The following TMEM163 variants were observed in gnomAD, a reference collection of about 807,000 sequenced individuals.
TMEM163 encodes transmembrane protein 163.
TMEM163 carries 17 observed loss-of-function variants against 29.3 expected under a neutral mutation model. That is an observed-to-expected ratio of 0.58 (90% CI 0.40 to 0.87). The LOEUF is 0.87. Ranked by LOEUF, TMEM163 falls within the 40% of genes least tolerant of loss-of-function variation. TMEM163 has a pLI of 0.00. For missense variants in TMEM163, 303 were observed against 381.5 expected, an observed-to-expected ratio of 0.79 and a Z score of 1.71; for synonymous variants, 157 against 160.6, an observed-to-expected ratio of 0.98 and a Z score of 0.17.
At chr2:134,491,979 G>A (rs972391528) in intron 5 of TMEM163, among the ~76,000 whole-genome samples, 3 of 152,158 alleles carry the variant, frequency 2.0e-5, no homozygotes, top group South Asian at 2.1e-4. Flanking sequence ...AGAGGTTTAC[G>A]TGGTTAGCAC....
chr2:134,658,736 T>C (rs1574317421), intron 2 of TMEM163, among the ~76,000 whole-genome samples: 1 of 152,062 alleles, frequency 6.6e-6, no homozygotes, highest in Non-Finnish European at 1.5e-5. Context: ...TAGCTGGGAC[T>C]ACAGGCGCCC....
At chr2:134,560,524 TGAA>T (rs2104776999) in intron 2 of TMEM163, among the ~76,000 whole-genome samples, 1 of 152,104 alleles carries the variant, frequency 6.6e-6, no homozygotes, top group South Asian at 2.1e-4. Flanking sequence ...CCTGAGCAAA[TGAA>T]GCCGCAGCTG....
At position 134,665,109 on chromosome 2, in the gene TMEM163, G is replaced by C. The variant is rs76063542; in HGVS notation, c.322+48091C>G. On this transcript the variant is annotated intron_variant, in intron 2 of 7. Coordinates refer to ENST00000281924, the MANE Select transcript of TMEM163 (RefSeq NM_030923.5). ...CAGCCACAGGAAAGACAAACAGCTTGTGATGCTTATATTGTTGTTTGGGGG... is the reference window on the plus strand; with the variant it reads ...CAGCCACAGGAAAGACAAACAGCTTCTGATGCTTATATTGTTGTTTGGGGG... 3.3e-3 allele frequency among the ~76,000 whole-genome samples: 497 copies of C among 152,224 alleles called. 2 individuals carry two copies. Among genetic ancestry groups the C allele is most frequent in the Non-Finnish European group, 5.1e-3 (348 of 68,014 alleles).
At chr2:134,716,160 G>C (rs1235835221) in intron 1 of TMEM163, among the ~76,000 whole-genome samples, 1 of 152,204 alleles carries the variant, frequency 6.6e-6, no homozygotes, top group Admixed American at 6.5e-5. Context: ...TGGGCCCTAA[G>C]GTTACGGACA....
intron 2 of TMEM163, among the ~76,000 whole-genome samples, chr2:134,555,192 C>T (rs1315267176): frequency 1.3e-5 from 2 of 152,184 alleles, no homozygotes; most frequent in Non-Finnish European, 2.9e-5. Flanking sequence ...TGTCTCATAA[C>T]TCACCATGAC....
At chr2:134,475,871 C>T (rs1279071209) in intron 5 of TMEM163, among the ~76,000 whole-genome samples, 2 of 152,162 alleles carry the variant, frequency 1.3e-5, no homozygotes, top group African/African-American at 2.4e-5. Flanking sequence ...CTGGAACTCT[C>T]ATATGTTGCT....
At chr2:134,683,813 A>G (rs552333988) in intron 2 of TMEM163, among the ~76,000 whole-genome samples, 4 of 152,238 alleles carry the variant, frequency 2.6e-5, no homozygotes, top group African/African-American at 7.2e-5. Flanking sequence ...AGAGTGACTC[A>G]TTTCTGCAAT....
At chr2:134,525,538 T>A (rs1680275850) in intron 4 of TMEM163, among the ~76,000 whole-genome samples, 1 of 152,204 alleles carries the variant, frequency 6.6e-6, no homozygotes, top group African/African-American at 2.4e-5. Flanking sequence ...ACTTGCCCCC[T>A]TTGTTGTGAC....
intron 2 of TMEM163, among the ~76,000 whole-genome samples, chr2:134,707,765 G>A (rs999188771): frequency 1.3e-4 from 20 of 152,070 alleles, no homozygotes; most frequent in African/African-American, 4.6e-4. Flanking sequence ...TTTGGGGAGG[G>A]GAGTTGTCAA....
rs751601796 is a variant in TMEM163 at position 134,718,963 on chromosome 2, G to GCGA, written c.-31_-29dup. 86 of 1,025,966 alleles carry GCGA rather than the reference G, an allele frequency of 8.4e-5. No homozygotes were observed. Among genetic ancestry groups the GCGA allele is most frequent in the East Asian group, 2.7e-4 (3 of 11,152 alleles). The allele number at this position is 1,025,966 out of a possible 1,614,324, so 63.6% of individuals were successfully genotyped here. A position where few individuals can be genotyped will look rare whatever the true frequency, so the allele number is the denominator to read the frequency against. ...CGCGGGGCTGCGGATCCCGGCGGCG[G>GCGA]CGACGACAAGCGCGGCGGGGACTCG... On this transcript the variant is annotated 5_prime_UTR_variant, in exon 1 of 8. Transcript: ENST00000281924.
intron 5 of TMEM163, among the ~76,000 whole-genome samples, chr2:134,470,717 C>T (rs1686780474): frequency 6.6e-6 from 1 of 152,234 alleles, no homozygotes; most frequent in African/African-American, 2.4e-5. Context: ...CAAAGCTCCT[C>T]TCCCAAAACC....
At position 134,718,811 on chromosome 2, in the gene TMEM163, T is replaced by C; in HGVS notation, c.125A>G (p.Glu42Gly). 1.8e-6 allele frequency: 2 copies of C among 1,139,458 alleles called. No homozygotes were observed. Among genetic ancestry groups the C allele is most frequent in the Non-Finnish European group, 2.2e-6 (2 of 929,160 alleles). The allele number at this position is 1,139,458 out of a possible 1,614,324, so 70.6% of individuals were successfully genotyped here. ...GPAPLSSPVR[E>G]PPQLEEERQV... Reference sequence around the variant, plus strand: ...CCGCTCCTCCTCCAGCTGGGGCGGCTCGCGCACCGGGGAGCTCAGCGGGGC... The same window carrying C: ...CCGCTCCTCCTCCAGCTGGGGCGGCCCGCGCACCGGGGAGCTCAGCGGGGC... The change falls in exon 1 of 8, where the codon GAG (glutamate) becomes GGG (glycine). Residue 42 changes from glutamate (E) to glycine (G), a missense_variant. Physicochemically the swap from Glu to Gly is moderately conservative, Grantham distance 98 (BLOSUM62 -2). Transcript: ENST00000281924.
At chr2:134,562,479 G>A (rs971392722) in intron 2 of TMEM163, among the ~76,000 whole-genome samples, 1 of 152,222 alleles carries the variant, frequency 6.6e-6, no homozygotes, top group Non-Finnish European at 1.5e-5. Flanking sequence ...CATGGATATT[G>A]TCACCCAAGG....
At chr2:134,690,815 T>G (rs1684448576) in intron 2 of TMEM163, among the ~76,000 whole-genome samples, 1 of 152,166 alleles carries the variant, frequency 6.6e-6, no homozygotes, top group Non-Finnish European at 1.5e-5. Flanking sequence ...TTCCCACCAG[T>G]GTAAAGCCTA....
rs149006040 is a variant in TMEM163 at position 134,598,872 on chromosome 2, G to C, written c.323-46781C>G. On this transcript the variant is annotated intron_variant, in intron 2 of 7. Coordinates refer to ENST00000281924, the MANE Select transcript of TMEM163 (RefSeq NM_030923.5). ...GAGGTGGGGGGTTGCAGTGAGCCTA[G>C]ATAGTGCCACTACACTCCAGCCTGG... 6.2e-4 allele frequency among the ~76,000 whole-genome samples: 92 copies of C among 149,132 alleles called. 2 individuals carry two copies. In the East Asian group the frequency reaches 0.013, roughly 21 times the overall value.
intron 2 of TMEM163, among the ~76,000 whole-genome samples, chr2:134,621,827 C>T (rs1682743447): frequency 6.6e-6 from 1 of 151,978 alleles, no homozygotes; most frequent in African/African-American, 2.4e-5. Context: ...GGAGGTGGAG[C>T]TTGCAGTGAG....
chr2:134,540,518 C>A (rs746202760), intron 4 of TMEM163, among the ~76,000 whole-genome samples: 4 of 152,216 alleles, frequency 2.6e-5, no homozygotes, highest in Non-Finnish European at 4.4e-5. Context: ...TAGCTAATTG[C>A]TAGGAAGATG....
At chr2:134,641,227 T>C (rs115687260) in intron 2 of TMEM163, among the ~76,000 whole-genome samples, 2,375 of 152,232 alleles carry the variant, frequency 0.016, 50 homozygotes, top group African/African-American at 0.054. Context: ...GCCAAGGTAT[T>C]TCAAGAGCCA....
chr2:134,511,183 T>G (rs1679941195), intron 4 of TMEM163, among the ~76,000 whole-genome samples: 1 of 148,372 alleles, frequency 6.7e-6, no homozygotes, highest in African/African-American at 2.6e-5. Flanking sequence ...TTATATCCAG[T>G]ACTCACACTT....
Sources: gnomAD v4.1 joint callset for allele counts (sites outside exome capture counted in the v4.1 genomes callset) on GRCh38, gnomAD v4.1.1 for gene constraint, MANE v1.5 for transcripts, NCBI Gene and HGNC (gene_info 2026-07-23, HGNC 2026-07-21) for gene names.